The following SYTL5 variants were observed in gnomAD, a reference collection of about 807,000 sequenced individuals.
SYTL5 encodes synaptotagmin-like protein 5.
SYTL5 carries 34 observed loss-of-function variants against 55.9 expected under a neutral mutation model. That is an observed-to-expected ratio of 0.61 (90% CI 0.46 to 0.81). The LOEUF (loss-of-function observed/expected upper bound fraction) is 0.81, where lower values mean the gene tolerates loss of function less well. SYTL5 is among the 30% of genes least tolerant of loss of function. The probability of loss-of-function intolerance (pLI) is 0.00; values close to 1 mark genes in which losing one functional copy is unlikely to be tolerated. For missense variants in SYTL5, 637 were observed against 546.7 expected, an observed-to-expected ratio of 1.17 and a Z score of -1.65; for synonymous variants, 221 against 188.7, an observed-to-expected ratio of 1.17 and a Z score of -1.40.
the SYTL5 span, among the ~76,000 whole-genome samples, chrX:37,988,068 A>T: frequency 8.9e-6 from 1 of 112,175 alleles, no homozygotes; most frequent in South Asian, 3.7e-4. Context: ...ATTCACAAAG[A>T]TGATTGTGGA....
the SYTL5 span, among the ~76,000 whole-genome samples, chrX:37,918,714 C>A: frequency 2.7e-5 from 3 of 110,992 alleles, no homozygotes; most frequent in East Asian, 2.9e-4. Flanking sequence ...AAACACTTTG[C>A]CCCTGCTGCC....
intron 13 of SYTL5, among the ~76,000 whole-genome samples, chrX:38,117,306 T>G (rs1481733375): frequency 8.9e-6 from 1 of 112,190 alleles, no homozygotes; most frequent in Non-Finnish European, 1.9e-5. Context: ...TCATAAGACT[T>G]GAAGTCTATA....
intron 3 of SYTL5, among the ~76,000 whole-genome samples, chrX:38,063,813 T>A (rs1175324738): frequency 8.9e-6 from 1 of 112,022 alleles, no homozygotes; most frequent in Non-Finnish European, 1.9e-5. Context: ...ACATTTAGAT[T>A]GTTTCAGTTT....
chrX:37,923,683 A>G, the SYTL5 span, among the ~76,000 whole-genome samples: 1 of 108,855 alleles, frequency 9.2e-6, no homozygotes, highest in East Asian at 2.8e-4. Context: ...TTAGAAAAAC[A>G]TCACTACCAA....
the SYTL5 span, among the ~76,000 whole-genome samples, chrX:37,893,765 TAG>T: frequency 7.9e-4 from 70 of 89,043 alleles, 3 homozygotes; most frequent in African/African-American, 2.3e-3. Context: ...ATATAATCTA[TAG>T]ATAAACTATA....
At chrX:37,893,964 A>G in the SYTL5 span, among the ~76,000 whole-genome samples, 1 of 108,515 alleles carries the variant, frequency 9.2e-6, no homozygotes, top group African/African-American at 3.3e-5. Context: ...CCACTTCCCA[A>G]TCAGTACTAC....
At chrX:38,052,272 G>T (rs1236039972) in intron 2 of SYTL5, among the ~76,000 whole-genome samples, 1 of 112,036 alleles carries the variant, frequency 8.9e-6, no homozygotes, top group Non-Finnish European at 1.9e-5. Flanking sequence ...TAGTATGGCT[G>T]CCTGTTGCAA....
In SYTL5 at chrX:38,107,939, G is replaced by A. The variant is rs191513295; in HGVS notation, c.1335-661G>A. On this transcript the variant is annotated intron_variant, in intron 11 of 16. Transcript: ENST00000297875. ...TACATTTCAGCTTTGTACACATCTTGTACATTTCTGAGTCTGCTGTGATAC... is the reference window on the plus strand; with the variant it reads ...TACATTTCAGCTTTGTACACATCTTATACATTTCTGAGTCTGCTGTGATAC... 4.4e-5 allele frequency among the ~76,000 whole-genome samples: 5 copies of A among 112,399 alleles called. No homozygotes were observed. In the East Asian group the frequency reaches 1.4e-3, roughly 31 times the overall value.
chrX:38,007,456 A>C (rs1269327056), intron 1 of SYTL5, among the ~76,000 whole-genome samples: 2 of 111,518 alleles, frequency 1.8e-5, no homozygotes, highest in Non-Finnish European at 3.8e-5. Flanking sequence ...TCTTTGCTCC[A>C]AGTATATGTG....
chrX:37,978,331 TGATAG>T, the SYTL5 span, among the ~76,000 whole-genome samples: 1 of 111,464 alleles, frequency 9.0e-6, no homozygotes, highest in African/African-American at 3.3e-5. Flanking sequence ...TGACAACTAA[TGATAG>T]GATATATGGG....
chrX:37,891,592 T>C, the SYTL5 span, among the ~76,000 whole-genome samples: 4 of 111,568 alleles, frequency 3.6e-5, no homozygotes, highest in Admixed American at 1.9e-4. Context: ...TACTATTGAA[T>C]TGTACACTTT....
chrX:38,054,326 G>A lies in SYTL5; in HGVS notation c.233G>A (p.Gly78Glu). The A allele has an allele frequency of 8.3e-7, 1 of 1,211,302 alleles. No homozygotes were observed. Among genetic ancestry groups the A allele is most frequent in the African/African-American group, 1.7e-5 (1 of 57,711 alleles). The change falls in exon 3 of 17, where the codon GGA (glycine) becomes GAA (glutamate). Residue 78 changes from glycine to glutamate, a missense_variant. Transcript: ENST00000297875. Reference sequence around the variant, plus strand: ...AACCTGGGCCTAATCTTTGACCGGGGAGACCCTTGTCAGGCTTGCTCACTG... The same window carrying A: ...AACCTGGGCCTAATCTTTGACCGGGAAGACCCTTGTCAGGCTTGCTCACTG... ...HRNLGLIFDR[G>E]DPCQACSLRV... is the part of the protein sequence containing the mutation.
At chrX:37,947,373 C>T in the SYTL5 span, among the ~76,000 whole-genome samples, 1 of 111,110 alleles carries the variant, frequency 9.0e-6, no homozygotes, top group African/African-American at 3.3e-5. Flanking sequence ...ATGCTGTTCT[C>T]GTGATATTGA....
chrX:37,939,872 C>G, the SYTL5 span, among the ~76,000 whole-genome samples: 58 of 111,656 alleles, frequency 5.2e-4, 1 homozygote, highest in East Asian at 0.016. Flanking sequence ...CCTCTGTTGC[C>G]CAGGCTGGAG....
chrX:38,008,127 G>A (rs1012908), intron 1 of SYTL5, among the ~76,000 whole-genome samples: 39,194 of 110,422 alleles, frequency 0.35, 5,148 homozygotes, highest in Middle Eastern at 0.44. Flanking sequence ...TGAGCAGTTC[G>A]TTTTACTTAA....
chrX:38,117,019 C>G (rs762547938), intron 13 of SYTL5, among the ~76,000 whole-genome samples: 55 of 112,148 alleles, frequency 4.9e-4, no homozygotes, highest in Non-Finnish European at 8.5e-4. Context: ...CAGCACTTAG[C>G]AAAATGCCTT....
intron 1 of SYTL5, among the ~76,000 whole-genome samples, chrX:38,013,912 C>T (rs775512488): frequency 1.8e-5 from 2 of 110,982 alleles, no homozygotes; most frequent in Non-Finnish European, 3.8e-5. Context: ...CCACCAACTC[C>T]TCCTCTCCTA....
chrX:38,025,441 G>A (rs1416909219), intron 1 of SYTL5, among the ~76,000 whole-genome samples: 1 of 111,842 alleles, frequency 8.9e-6, no homozygotes, highest in Admixed American at 9.5e-5. Flanking sequence ...GTGATGCTAT[G>A]AGAGTATTTG....
intron 13 of SYTL5, among the ~76,000 whole-genome samples, chrX:38,114,880 C>T (rs1228749946): frequency 9.0e-6 from 1 of 111,167 alleles, no homozygotes; most frequent in Non-Finnish European, 1.9e-5. Context: ...CTCTCTGCTT[C>T]TATTAATTCA....
Sources: allele counts gnomAD v4.1 joint callset (sites outside exome capture counted in the v4.1 genomes callset), GRCh38; gene constraint gnomAD v4.1.1; transcripts MANE v1.5; gene names NCBI Gene and HGNC (gene_info 2026-07-23, HGNC 2026-07-21).